TSC22D1: variants seen among roughly 807,000 people sequenced by gnomAD.
TSC22D1 encodes the protein TSC22 domain family member 1, also known as TSC22 domain family protein 1.
A neutral mutation model predicts 74.2 loss-of-function variants in TSC22D1; 9 were observed. The observed-to-expected ratio is 0.12, with a 90% confidence interval of 0.07 to 0.21. TSC22D1 has a LOEUF of 0.21. TSC22D1 is among the 10% of genes least tolerant of loss of function. The probability of loss-of-function intolerance (pLI) is 1.00; values close to 1 mark genes in which losing one functional copy is unlikely to be tolerated. For missense variants in TSC22D1, 1,427 were observed against 1,304.7 expected (o/e 1.09, Z -1.44); for synonymous variants, 586 against 492.5 (o/e 1.19, Z -2.51).
chr13:44,521,674 A>G (rs1880322836), intron 1 of TSC22D1, among the ~76,000 whole-genome samples: 1 of 149,042 alleles, frequency 6.7e-6, no homozygotes, highest in Non-Finnish European at 1.5e-5. Context: ...TAAAAGTGAC[A>G]AAGAATGGAA....
At chr13:44,510,249 G>C (rs1051061451) in intron 1 of TSC22D1, among the ~76,000 whole-genome samples, 1 of 151,502 alleles carries the variant, frequency 6.6e-6, no homozygotes, top group Non-Finnish European at 1.5e-5. Context: ...AAAATTAGCC[G>C]GGCGTGGTGG....
At chr13:44,456,235 C>T (rs567412775) in intron 1 of TSC22D1, among the ~76,000 whole-genome samples, 6 of 152,304 alleles carry the variant, frequency 3.9e-5, no homozygotes, top group South Asian at 2.1e-4. Flanking sequence ...GCTTCCACGG[C>T]GGAGAAGAAG....
chr13:44,455,304 C>A (rs1489933008), intron 1 of TSC22D1, among the ~76,000 whole-genome samples: 1 of 152,174 alleles, frequency 6.6e-6, no homozygotes, highest in African/African-American at 2.4e-5. Flanking sequence ...ATGCTGTATT[C>A]AAGAGACCCA....
chr13:44,460,677 T>G lies in TSC22D1; in HGVS notation c.2913-24582A>C, dbSNP rs988752814. ...GGAGGGAGGCCCCATCCGCTTCTAG[T>G]GTTCTCTTCCCTTGATTTTGTCATA... is the stretch of plus-strand genomic sequence containing the variant. On this transcript the variant is annotated intron_variant, in intron 1 of 2. Coordinates refer to ENST00000458659, the MANE Select transcript of TSC22D1 (RefSeq NM_183422.4). 2.0e-5 allele frequency among the ~76,000 whole-genome samples: 3 copies of G among 152,188 alleles called. No individual in the cohort carries two copies. In the East Asian group the frequency reaches 5.8e-4, roughly 29 times the overall value.
intron 1 of TSC22D1, among the ~76,000 whole-genome samples, chr13:44,509,950 C>CAAAAAGAAAAAAAAAAAAAAAAGA (rs1879615174): frequency 1.9e-5 from 1 of 51,426 alleles, no homozygotes; most frequent in African/African-American, 7.5e-5. Context: ...AGAAAATAAG[C>CAAAAAGAAAAAAAAAAAAAAAAGA]AAAAAAAAAA....
chr13:44,553,413 A>G (rs1882420608), intron 1 of TSC22D1, among the ~76,000 whole-genome samples: 2 of 152,216 alleles, frequency 1.3e-5, no homozygotes, highest in African/African-American at 2.4e-5. Context: ...AGATTTCAAA[A>G]TCCAGTTCAA....
At chr13:44,516,979 C>T (rs1038887521) in intron 1 of TSC22D1, among the ~76,000 whole-genome samples, 2 of 152,216 alleles carry the variant, frequency 1.3e-5, no homozygotes, top group African/African-American at 2.4e-5. Flanking sequence ...CTCAGCTCTA[C>T]ACCAGGGCAA....
At chr13:44,519,351 C>T (rs555864805) in intron 1 of TSC22D1, among the ~76,000 whole-genome samples, 8 of 152,022 alleles carry the variant, frequency 5.3e-5, no homozygotes, top group Admixed American at 1.3e-4. Context: ...TAAGCAATGG[C>T]AAATGGTAAG....
At chr13:44,547,370 T>C (rs1881893536) in intron 1 of TSC22D1, among the ~76,000 whole-genome samples, 1 of 152,122 alleles carries the variant, frequency 6.6e-6, no homozygotes, top group Non-Finnish European at 1.5e-5. Context: ...AGAACTTTAA[T>C]TCAGAAGATA....
chr13:44,563,135 C>T (rs928444637), intron 1 of TSC22D1, among the ~76,000 whole-genome samples: 1 of 151,780 alleles, frequency 6.6e-6, no homozygotes, highest in African/African-American at 2.4e-5. Context: ...TTGCCAAAAA[C>T]CCTGTCTTAA....
chr13:44,538,817 T>C (rs1881299999), intron 1 of TSC22D1: 2 of 985,298 alleles, frequency 2.0e-6, no homozygotes, highest in South Asian at 4.7e-5. Context: ...GTGACAGATA[T>C]CATCCATGAA....
intron 1 of TSC22D1, among the ~76,000 whole-genome samples, chr13:44,466,763 G>A (rs919171703): frequency 6.6e-6 from 1 of 150,502 alleles, no homozygotes; most frequent in Admixed American, 6.6e-5. Flanking sequence ...GAATGAGACC[G>A]TGTCTCAAAA....
intron 1 of TSC22D1, chr13:44,436,372 T>C: frequency 7.9e-7 from 1 of 1,265,652 alleles, no homozygotes; most frequent in Non-Finnish European, 1.1e-6. Context: ...TTTTTAACAT[T>C]TCGAAAAACA....
intron 1 of TSC22D1, among the ~76,000 whole-genome samples, chr13:44,486,734 A>T (rs1293596822): frequency 6.6e-6 from 1 of 152,232 alleles, no homozygotes; most frequent in Non-Finnish European, 1.5e-5. Flanking sequence ...ATCAGTTCAT[A>T]CAACCACGTT....
At chr13:44,538,800 G>A in intron 1 of TSC22D1, 1 of 985,362 alleles carries the variant, frequency 1.0e-6, no homozygotes, top group Non-Finnish European at 1.2e-6. Flanking sequence ...TGCAGGTGCT[G>A]GCATGTGTGA....
chr13:44,547,865 C>G (rs939373435), intron 1 of TSC22D1, among the ~76,000 whole-genome samples: 1 of 152,144 alleles, frequency 6.6e-6, no homozygotes, highest in East Asian at 1.9e-4. Context: ...TCACGGCACA[C>G]TACAGCCTCG....
intron 1 of TSC22D1, among the ~76,000 whole-genome samples, chr13:44,510,361 C>A (rs1244577183): frequency 2.6e-5 from 4 of 151,584 alleles, no homozygotes; most frequent in African/African-American, 9.7e-5. Flanking sequence ...CAGTGCACTC[C>A]AGCAGGAGCA....
At chr13:44,521,375 C>T (rs1172425946) in intron 1 of TSC22D1, among the ~76,000 whole-genome samples, 2 of 152,014 alleles carry the variant, frequency 1.3e-5, no homozygotes, top group African/African-American at 4.8e-5. Context: ...TACACCCCTT[C>T]CCCCTTTTTT....
chr13:44,499,273 CTTTT>C, intron 1 of TSC22D1, among the ~76,000 whole-genome samples: 1 of 152,150 alleles, frequency 6.6e-6, no homozygotes, highest in Non-Finnish European at 1.5e-5. Context: ...CTACTCTTTC[CTTTT>C]GTTTGTGCTG....
Sources: allele counts gnomAD v4.1 joint callset (sites outside exome capture counted in the v4.1 genomes callset), GRCh38; gene constraint gnomAD v4.1.1; transcripts MANE v1.5; gene names NCBI Gene and HGNC (gene_info 2026-07-23, HGNC 2026-07-21).